Variants in SPEN observed in about 807,000 individuals in gnomAD.
SPEN encodes the protein msx2-interacting protein.
Under a neutral mutation model 269.9 loss-of-function variants are expected in SPEN, and 18 were observed. That is an observed-to-expected ratio of 0.07 (90% confidence interval 0.05 to 0.10). The LOEUF is 0.10. Ranked by LOEUF, SPEN falls within the 10% of genes least tolerant of loss-of-function variation. The pLI is 1.00. For missense variants in SPEN, 3,822 were observed against 4,631.2 expected (o/e 0.83, Z 5.07); for synonymous variants, 1,726 against 1,765.7 (o/e 0.98, Z 0.56).
chr1:15,901,152 A>G (rs2070895016), intron 3 of SPEN, among the ~76,000 whole-genome samples: 1 of 150,860 alleles, frequency 6.6e-6, no homozygotes, highest in African/African-American at 2.4e-5. Flanking sequence ...CAGGAGTTTG[A>G]GGCCAGCCTG....
At chr1:15,851,274 T>A (rs968699520) in intron 1 of SPEN, among the ~76,000 whole-genome samples, 1 of 152,188 alleles carries the variant, frequency 6.6e-6, no homozygotes, top group Non-Finnish European at 1.5e-5. Flanking sequence ...TTACAAAAAT[T>A]GGCTTTTCTT....
Position 15,933,802 on chromosome 1 carries a change from A to T in SPEN, c.7562A>T (p.Asp2521Val). ...QSTPSPALPP[D>V]TKASDVDTSS... ...ACTCCATCTCCAGCTCTTCCCCCAG[A>T]CACAAAGGCCTCTGATGTTGACACC... Residue 2521 changes from aspartate (D) to valine (V), a missense_variant, in exon 11 of 15, where the codon GAC (aspartate) becomes GTC (valine). Transcript: ENST00000375759. This position sits in a 1 kb window ranked among gnomAD's most constrained non-coding sequence, Gnocchi z 5.7. 1 of 1,613,408 alleles carries T rather than the reference A, an allele frequency of 6.2e-7. No individual in the cohort carries two copies. Among genetic ancestry groups the T allele is most frequent in the Non-Finnish European group, 8.5e-7 (1 of 1,180,022 alleles).
chr1:15,868,142 TA>T lies in SPEN; in HGVS notation c.84-4664del, dbSNP rs200870495. Among the ~76,000 whole-genome samples the T allele has an allele frequency of 9.4e-3, 1,403 of 149,204 alleles. 25 individuals carry two copies. The highest frequency in any genetic ancestry group is 0.032 in the African/African-American group (1,319 of 40,870). ...GCCACTGCATCCGGCCCCAGCTAAT[TA>T]AAAAAAAAATTATATATATTTATTT... On this transcript the variant is annotated intron_variant, in intron 1 of 14. Coordinates refer to ENST00000375759, the MANE Select transcript of SPEN (RefSeq NM_015001.3).
intron 3 of SPEN, among the ~76,000 whole-genome samples, chr1:15,900,655 A>G (rs1275909418): frequency 6.6e-6 from 1 of 152,186 alleles, no homozygotes; most frequent in African/African-American, 2.4e-5. Context: ...ATGAAATGAT[A>G]CATTAGTAAT....
chr1:15,860,415 G>GTGTA (rs1175263111), intron 1 of SPEN, among the ~76,000 whole-genome samples: 1 of 141,188 alleles, frequency 7.1e-6, no homozygotes, highest in Non-Finnish European at 1.5e-5. Flanking sequence ...GTGTGTGTGT[G>GTGTA]TGTATGTGTA....
rs949753964 is a variant in SPEN at position 15,871,427 on chromosome 1, A to T, written c.84-1389A>T. Among the ~76,000 whole-genome samples the T allele has an allele frequency of 3.3e-5, 5 of 151,840 alleles. No homozygotes were observed. In the South Asian group the frequency reaches 1.0e-3, roughly 32 times the overall value. On this transcript the variant is annotated intron_variant, in intron 1 of 14. Coordinates refer to ENST00000375759, the MANE Select transcript of SPEN (RefSeq NM_015001.3). ...ACGATCTTGGCACACTGCAATCTCC[A>T]CCTCCTGAGCTCAAGCAATTCTCAT...
At chr1:15,864,866 G>T (rs891092749) in intron 1 of SPEN, among the ~76,000 whole-genome samples, 1 of 151,518 alleles carries the variant, frequency 6.6e-6, no homozygotes, top group African/African-American at 2.4e-5. Flanking sequence ...TAGTAGAGAA[G>T]GGGGTAGGGT....
chr1:15,847,709 T>G lies in SPEN; in HGVS notation c.-359T>G, dbSNP rs963678414. On this transcript the variant is annotated 5_prime_UTR_variant, in exon 1 of 15. Coordinates refer to ENST00000375759, the MANE Select transcript of SPEN (RefSeq NM_015001.3). Reference sequence around the variant, plus strand: ...GCGGGAGTCGGGCCGCGCGCGCCAGTGGGAAGCGTCCGGCTGCCACAGCGC... The same window carrying G: ...GCGGGAGTCGGGCCGCGCGCGCCAGGGGGAAGCGTCCGGCTGCCACAGCGC... 2.0e-5 allele frequency among the ~76,000 whole-genome samples: 3 copies of G among 150,136 alleles called. No individual in the cohort carries two copies. Among genetic ancestry groups the G allele is most frequent in the Non-Finnish European group, 3.0e-5 (2 of 67,432 alleles).
chr1:15,917,210 T>C (rs1294818189), intron 6 of SPEN, among the ~76,000 whole-genome samples: 1 of 152,184 alleles, frequency 6.6e-6, no homozygotes, highest in Admixed American at 6.5e-5. Context: ...TACTAGAATA[T>C]GGATGTCGTC....
rs1268473638 is a variant in SPEN at position 15,931,814 on chromosome 1, T to C, written c.5574T>C (p.Pro1858=). Reference sequence around the variant, plus strand: ...AAAAACTCAAGCGGTCCAATTCTCCTCGGGGAGAAGCACAGAAGCTTTTGG... The same window carrying C: ...AAAAACTCAAGCGGTCCAATTCTCCCCGGGGAGAAGCACAGAAGCTTTTGG... ...DREKLKRSNS[P]RGEAQKLLEL... The change falls in exon 11 of 15, where the codon CCT becomes CCC. Residue 1858 remains proline, a synonymous_variant. Transcript: ENST00000375759. The surrounding 1 kb of genome is among the most constrained non-coding windows in gnomAD (Gnocchi z 4.8). 2 of 1,614,212 alleles carry C rather than the reference T, an allele frequency of 1.2e-6. No individual in the cohort carries two copies. The highest frequency in any genetic ancestry group is 1.3e-5 in the African/African-American group (1 of 75,052).
chr1:15,891,649 CTTGTTTT>C (rs922128049), intron 3 of SPEN, among the ~76,000 whole-genome samples: 10 of 152,050 alleles, frequency 6.6e-5, no homozygotes, highest in African/African-American at 1.9e-4. Flanking sequence ...CGCGCCCGGC[CTTGTTTT>C]TTGTTTTTTG....
Position 15,936,248 on chromosome 1 carries a change from G to A in SPEN, c.10008G>A (p.Arg3336=). 1 of 1,549,816 alleles carries A rather than the reference G, an allele frequency of 6.5e-7. No individual in the cohort carries two copies. The highest frequency in any genetic ancestry group is 2.3e-5 in the East Asian group (1 of 43,992). ...CTTCCTCTGTTGGCCTGCCTTCCCG[G>A]ACCAAGACAGCTGCTCAGGTGAGCC... ...PAASSVGLPS[R]TKTAAQGPPP... The change falls in exon 11 of 15, where the codon CGG becomes CGA. Residue 3336 remains arginine (R), a synonymous_variant. Transcript: ENST00000375759.
At chr1:15,877,738 C>CTTTTTTT (rs777782248) in intron 3 of SPEN, among the ~76,000 whole-genome samples, 11 of 106,838 alleles carry the variant, frequency 1.0e-4, no homozygotes, top group East Asian at 2.8e-4. Flanking sequence ...TCAGCTTTCC[C>CTTTTTTT]TTTTTTTTTT....
chr1:15,922,712 TTA>T (rs1267751765), intron 10 of SPEN, among the ~76,000 whole-genome samples: 4 of 152,152 alleles, frequency 2.6e-5, no homozygotes, highest in Non-Finnish European at 5.9e-5. Flanking sequence ...AGTCTCTGCC[TTA>T]TAGGCTCAAG....
At position 15,935,238 on chromosome 1, in the gene SPEN, C is replaced by T; in HGVS notation, c.8998C>T (p.His3000Tyr). 6.2e-7 allele frequency: 1 copy of T among 1,614,202 alleles called. No homozygotes were observed. Among genetic ancestry groups the T allele is most frequent in the Non-Finnish European group, 8.5e-7 (1 of 1,180,036 alleles). Reference sequence around the variant, plus strand: ...CAGCAAACTGCCTACAGAAGTCAACCATGTCCCCTCGGGGCCCAGCATCCC... The same window carrying T: ...CAGCAAACTGCCTACAGAAGTCAACTATGTCCCCTCGGGGCCCAGCATCCC... The part of the protein sequence containing the change: ...LPSKLPTEVN[H>Y]VPSGPSIPAD... The change falls in exon 11 of 15, where the codon CAT (histidine) becomes TAT (tyrosine). Residue 3000 changes from histidine (H) to tyrosine (Y), a missense_variant. Coordinates refer to ENST00000375759, the MANE Select transcript of SPEN (RefSeq NM_015001.3). The surrounding 1 kb of genome is among the most constrained non-coding windows in gnomAD (Gnocchi z 7.7).
intron 10 of SPEN, among the ~76,000 whole-genome samples, chr1:15,926,757 A>G (rs1424372728): frequency 1.3e-5 from 2 of 151,426 alleles, no homozygotes; most frequent in East Asian, 1.9e-4. Context: ...CAGCGGCACA[A>G]TCTTGACTCA....
At chr1:15,898,607 T>C (rs967747967) in intron 3 of SPEN, among the ~76,000 whole-genome samples, 7 of 150,044 alleles carry the variant, frequency 4.7e-5, no homozygotes, top group African/African-American at 1.7e-4. Flanking sequence ...TTGCCCAGGC[T>C]AGAGTGCAGT....
In SPEN at chr1:15,939,163, C is replaced by A; in HGVS notation, c.10864-133C>A. 1.6e-6 allele frequency: 2 copies of A among 1,271,714 alleles called. No homozygotes were observed. The highest frequency in any genetic ancestry group is 2.1e-6 in the Non-Finnish European group (2 of 930,808). The allele number at this position is 1,271,714 out of a possible 1,614,324, so 78.8% of individuals were successfully genotyped here. A position where few individuals can be genotyped will look rare whatever the true frequency, so the allele number is the denominator to read the frequency against. ...TGCTAGGTCTTCCAGTAGACATAGT[C>A]CTGGCACATTTGCTGGTTGGGGACT... is the stretch of plus-strand genomic sequence containing the variant. On this transcript the variant is annotated intron_variant, in intron 14 of 14. Transcript: ENST00000375759. The surrounding 1 kb of genome is among the most constrained non-coding windows in gnomAD (Gnocchi z 4.1).
In SPEN at chr1:15,937,453, G is replaced by A. The variant is rs1289724532; in HGVS notation, c.10317G>A (p.Met3439Ile). Residue 3439 changes from methionine (M) to isoleucine (I), a missense_variant, in exon 12 of 15, where the codon ATG becomes ATA. Coordinates refer to ENST00000375759, the MANE Select transcript of SPEN (RefSeq NM_015001.3). The surrounding 1 kb of genome is among the most constrained non-coding windows in gnomAD (Gnocchi z 5.7). Reference protein sequence around the residue: ...TSFPSPVSVSMKPDLPVSLPT... With the variant: ...TSFPSPVSVSIKPDLPVSLPT... ...TCCCCTCCCCTGTGTCTGTCTCCAT[G>A]AAGCCTGACCTTCCAGTCTCTCTTC... The A allele has an allele frequency of 1.2e-6, 2 of 1,613,712 alleles. No homozygotes were observed. Among genetic ancestry groups the A allele is most frequent in the African/African-American group, 2.7e-5 (2 of 74,962 alleles).
Sources: allele counts gnomAD v4.1 joint callset (sites outside exome capture counted in the v4.1 genomes callset), GRCh38; gene constraint gnomAD v4.1.1; non-coding constraint Gnocchi (gnomAD v3.1); transcripts MANE v1.5; gene names NCBI Gene and HGNC (gene_info 2026-07-23, HGNC 2026-07-21).